The following SLCO2A1 variants were observed in gnomAD, a reference collection of about 807,000 sequenced individuals.
The protein encoded by SLCO2A1 is solute carrier organic anion transporter family member 2A1, also known as matrin F/G 1.
Under a neutral mutation model 71.7 loss-of-function variants are expected in SLCO2A1, and 60 were observed. The ratio of observed to expected loss-of-function variants is 0.84; its 90% CI spans 0.68 to 1.04. The LOEUF (loss-of-function observed/expected upper bound fraction) is 1.04. Ranked by LOEUF, SLCO2A1 falls within the 50% of genes least tolerant of loss-of-function variation. SLCO2A1 has a pLI of 0.00. For synonymous variants in SLCO2A1, 308 were observed against 326.7 expected (o/e 0.94, Z 0.62); for missense variants, 745 against 813.4 (o/e 0.92, Z 1.02).
At chr3:133,953,227 C>T (rs532479989) in intron 5 of SLCO2A1, among the ~76,000 whole-genome samples, 115 of 152,186 alleles carry the variant, frequency 7.6e-4, no homozygotes, top group African/African-American at 2.6e-3. Flanking sequence ...TTAGTAGAGA[C>T]GGGGTTTCAC....
rs181477545 is a variant in SLCO2A1 at position 133,957,692 on chromosome 3, C to T, written c.398-2499G>A. 2.1e-3 allele frequency among the ~76,000 whole-genome samples: 321 copies of T among 152,210 alleles called. 6 individuals carry two copies. Among genetic ancestry groups the T allele is most frequent in the Admixed American group, 0.02 (298 of 15,280 alleles). ...TTCCTCTCAGGAAAGGGGCTGGCTG[C>T]TGGGATGTGTGCTAGAATCTGGGAC... On this transcript the variant is annotated intron_variant, in intron 3 of 13. Transcript: ENST00000310926.
At chr3:134,002,555 A>T (rs1257106036) in intron 1 of SLCO2A1, among the ~76,000 whole-genome samples, 3 of 152,250 alleles carry the variant, frequency 2.0e-5, no homozygotes, top group African/African-American at 7.2e-5. Flanking sequence ...TGAGTGCTGC[A>T]TATGAATCAC....
At chr3:133,980,626 TC>T (rs1934567511) in intron 1 of SLCO2A1, among the ~76,000 whole-genome samples, 1 of 152,226 alleles carries the variant, frequency 6.6e-6, no homozygotes, top group South Asian at 2.1e-4. Flanking sequence ...CAAAGCTCTT[TC>T]CATGAATGAA....
intron 2 of SLCO2A1, among the ~76,000 whole-genome samples, chr3:133,974,690 C>A (rs1934408240): frequency 6.6e-6 from 1 of 152,222 alleles, no homozygotes; most frequent in Admixed American, 6.5e-5. Flanking sequence ...GAACTGAAGG[C>A]TCCAGCATGG....
chr3:134,017,565 G>A (rs1935480825), intron 1 of SLCO2A1, among the ~76,000 whole-genome samples: 1 of 152,188 alleles, frequency 6.6e-6, no homozygotes, highest in East Asian at 1.9e-4. Flanking sequence ...AAACTAGCCT[G>A]GCCCTGTGCA....
chr3:133,996,606 G>A (rs569392741), intron 1 of SLCO2A1, among the ~76,000 whole-genome samples: 1 of 152,270 alleles, frequency 6.6e-6, no homozygotes, highest in African/African-American at 2.4e-5. Flanking sequence ...CACACCTTCT[G>A]GCATGGGAAC....
At chr3:133,978,890 A>T (rs1308713005) in intron 2 of SLCO2A1, among the ~76,000 whole-genome samples, 1 of 152,016 alleles carries the variant, frequency 6.6e-6, no homozygotes, top group Non-Finnish European at 1.5e-5. Flanking sequence ...TCTAACTTTG[A>T]TATGCAGTCA....
intron 1 of SLCO2A1, among the ~76,000 whole-genome samples, chr3:134,010,031 A>G (rs1935300299): frequency 1.3e-5 from 2 of 152,192 alleles, no homozygotes; most frequent in Non-Finnish European, 2.9e-5. Context: ...CCTTGTCCAT[A>G]TTATCTCAGT....
chr3:133,969,814 A>T (rs557220786), intron 3 of SLCO2A1, among the ~76,000 whole-genome samples: 6 of 152,206 alleles, frequency 3.9e-5, no homozygotes, highest in Non-Finnish European at 7.4e-5. Context: ...CTGAGCTAGG[A>T]TTCAAATGTT....
chr3:133,941,049 C>T lies in SLCO2A1; in HGVS notation c.1625+1556G>A, dbSNP rs368860574. Among the ~76,000 whole-genome samples, 26 of 152,268 alleles carry T rather than the reference C, an allele frequency of 1.7e-4. 1 individual carries two copies. Among genetic ancestry groups the T allele is most frequent in the Admixed American group, 3.3e-4 (5 of 15,300 alleles). ...CTGACACACCCTAAGTTTTGTGCTG[C>T]TTTCTGTGCTGTAATAAAGTATTTT... On this transcript the variant is annotated intron_variant, in intron 11 of 13. Transcript: ENST00000310926.
chr3:133,938,824 C>CCAGTCTGT (rs1376434946), intron 11 of SLCO2A1, among the ~76,000 whole-genome samples: 1 of 151,922 alleles, frequency 6.6e-6, no homozygotes, highest in Non-Finnish European at 1.5e-5. Flanking sequence ...CTGAGAACCA[C>CCAGTCTGT]CAGTCTGTGT....
rs141527637 is a variant in SLCO2A1 at position 133,945,257 on chromosome 3, T to C, written c.1299A>G (p.Thr433=). 1.9e-4 allele frequency: 301 copies of C among 1,602,042 alleles called. No homozygotes were observed. Among genetic ancestry groups the C allele is most frequent in the Middle Eastern group, 5.0e-4 (3 of 5,984 alleles). Residue 433 remains threonine (T), a synonymous_variant, in exon 10 of 14, where the codon ACA becomes ACG. Transcript: ENST00000310926. ...PTVAEVYPPS[T]SSSIHPQSPA... is the part of the protein sequence containing the mutation. The stretch of plus-strand genomic sequence containing the variant: ...GAGACTGCGGATGTATAGAACTTGA[T>C]GTGCTGCCAGCAAAAGAGGAAACGG...
chr3:133,945,309 A>T, intron 9 of SLCO2A1, 49 bp from the exon 10 acceptor site: 1 of 1,547,240 alleles, frequency 6.5e-7, no homozygotes, highest in East Asian at 2.3e-5. Context: ...AGACCAAAGA[A>T]AAACCCTACA....
chr3:133,993,065 C>A (rs1205949885), intron 1 of SLCO2A1, among the ~76,000 whole-genome samples: 1 of 152,220 alleles, frequency 6.6e-6, no homozygotes, highest in Non-Finnish European at 1.5e-5. Context: ...CATGGGCACC[C>A]CACCTCCAGA....
At chr3:133,942,294 T>A (rs1056344561) in intron 11 of SLCO2A1, 16 of 228,126 alleles carry the variant, frequency 7.0e-5, no homozygotes, top group Non-Finnish European at 1.4e-4. Flanking sequence ...GCGCCCAGCC[T>A]AGGCTTGTGA....
chr3:133,951,119 G>A, intron 6 of SLCO2A1, 89 bp downstream of exon 6: 1 of 1,548,454 alleles, frequency 6.5e-7, no homozygotes, highest in Non-Finnish European at 8.9e-7. Flanking sequence ...TGCTTAACAT[G>A]CTGCAGCTTT....
chr3:133,974,167 A>G (rs1934397978), intron 2 of SLCO2A1, among the ~76,000 whole-genome samples: 1 of 152,206 alleles, frequency 6.6e-6, no homozygotes, highest in African/African-American at 2.4e-5. Context: ...GAAACCTCCA[A>G]TTCTGGCTGG....
chr3:133,989,129 C>T (rs1038802884), intron 1 of SLCO2A1, among the ~76,000 whole-genome samples: 3 of 152,306 alleles, frequency 2.0e-5, no homozygotes, highest in South Asian at 4.1e-4. Flanking sequence ...GCCAATTCAC[C>T]TCAGCCTTTA....
chr3:133,979,575 A>T lies in SLCO2A1; in HGVS notation c.140T>A (p.Leu47Gln). The change falls in exon 2 of 14, where the codon CTG (leucine) becomes CAG (glutamine). Residue 47 changes from leucine to glutamine, a missense_variant. Leu to Gln is a moderately radical substitution (Grantham distance 113). Coordinates refer to ENST00000310926, the MANE Select transcript of SLCO2A1 (RefSeq NM_005630.3). ...GCTGCTCTTGAAGTAGGCGCTGTAC[A>T]GGAGTTGGCAGAGCTGCAGGAGGCC... Reference protein sequence around the residue: ...CQGLLQLCQLLYSAYFKSSLT... With the variant: ...CQGLLQLCQLQYSAYFKSSLT... 6.2e-6 allele frequency: 10 copies of T among 1,614,018 alleles called. No homozygotes were observed. Among genetic ancestry groups the T allele is most frequent in the Non-Finnish European group, 8.5e-6 (10 of 1,179,940 alleles).
Sources: gnomAD v4.1 joint callset for allele counts (sites outside exome capture counted in the v4.1 genomes callset) on GRCh38, gnomAD v4.1.1 for gene constraint, MANE v1.5 for transcripts, NCBI Gene and HGNC (gene_info 2026-07-23, HGNC 2026-07-21) for gene names.